The following FHIT variants were observed in gnomAD, a reference collection of about 807,000 sequenced individuals.
FHIT encodes fragile histidine triad diadenosine triphosphatase.
In FHIT, 19 loss-of-function variants were observed where a neutral mutation model predicts 17.9. The ratio of observed to expected loss-of-function variants is 1.06; its 90% CI spans 0.74 to 1.56. The LOEUF (loss-of-function observed/expected upper bound fraction) is 1.56, where lower values mean the gene tolerates loss of function less well. Among genes scored for constraint, FHIT ranks in the 40% most tolerant of loss-of-function variants. FHIT has a pLI of 0.00. For missense variants in FHIT, 248 were observed against 189.2 expected, an observed-to-expected ratio of 1.31 and a Z score of -1.82; for synonymous variants, 81 against 69.7, an observed-to-expected ratio of 1.16 and a Z score of -0.81.
chr3:60,324,355 C>T (rs1003881459), intron 5 of FHIT, among the ~76,000 whole-genome samples: 3 of 94,512 alleles, frequency 3.2e-5, no homozygotes, highest in African/African-American at 1.1e-4. Context: ...GAGGCTGAGG[C>T]TGGTGAATCA....
At chr3:60,587,338 C>G (rs1231524338) in intron 4 of FHIT, among the ~76,000 whole-genome samples, 1 of 152,036 alleles carries the variant, frequency 6.6e-6, no homozygotes, top group East Asian at 1.9e-4. Flanking sequence ...ACATCACACA[C>G]TGGGGCCAGT....
intron 5 of FHIT, among the ~76,000 whole-genome samples, chr3:60,492,794 T>C (rs2034123886): frequency 6.6e-6 from 1 of 152,174 alleles, no homozygotes; most frequent in Non-Finnish European, 1.5e-5. Context: ...TTTGACTGTC[T>C]ATAGCCTTAT....
intron 3 of FHIT, among the ~76,000 whole-genome samples, chr3:60,986,286 C>CA (rs1387547139): frequency 6.6e-6 from 1 of 152,164 alleles, no homozygotes; most frequent in Non-Finnish European, 1.5e-5. Flanking sequence ...CTATCAAAGC[C>CA]AGCCTAGTAT....
chr3:60,490,671 CAAAA>C (rs377411602), intron 5 of FHIT, among the ~76,000 whole-genome samples: 1 of 125,128 alleles, frequency 8.0e-6, no homozygotes. Flanking sequence ...TGATTTGTAC[CAAAA>C]AAAAAAAAAA....
In FHIT at chr3:60,276,653, G is replaced by C. The variant is rs139405662; in HGVS notation, c.103+260207C>G. The stretch of plus-strand genomic sequence containing the variant: ...ACTCTAAAGGAATACCTGAGACTGG[G>C]TAATTTTTAAAGAAAAGAGGTTTAT... On this transcript the variant is annotated intron_variant, in intron 5 of 9. Transcript: ENST00000492590. Among the ~76,000 whole-genome samples, 480 of 152,278 alleles carry C rather than the reference G, an allele frequency of 3.2e-3. 1 individual carries two copies. Among genetic ancestry groups the C allele is most frequent in the African/African-American group, 0.011 (472 of 41,552 alleles).
chr3:60,160,194 T>C (rs1377758080), intron 5 of FHIT, among the ~76,000 whole-genome samples: 1 of 151,980 alleles, frequency 6.6e-6, no homozygotes, highest in East Asian at 1.9e-4. Context: ...GAAAATGCCT[T>C]GGTTAAGAAA....
intron 2 of FHIT, among the ~76,000 whole-genome samples, chr3:61,098,448 T>C (rs2035711772): frequency 1.3e-5 from 2 of 152,168 alleles, no homozygotes; most frequent in South Asian, 4.1e-4. Flanking sequence ...TCTGCTTCCA[T>C]ATGAATTTTA....
At chr3:60,704,853 T>C (rs1356828521) in intron 4 of FHIT, among the ~76,000 whole-genome samples, 1 of 148,806 alleles carries the variant, frequency 6.7e-6, no homozygotes, top group Non-Finnish European at 1.5e-5. Context: ...AACATATTCT[T>C]ACTTCTCAGA....
intron 7 of FHIT, among the ~76,000 whole-genome samples, chr3:59,987,688 A>G (rs750733639): frequency 2.7e-4 from 41 of 151,906 alleles, no homozygotes; most frequent in Non-Finnish European, 1.6e-4. Flanking sequence ...TTTTTCATCA[A>G]TCTGGCACTA....
At chr3:60,429,841 T>C (rs925982426) in intron 5 of FHIT, among the ~76,000 whole-genome samples, 5 of 152,074 alleles carry the variant, frequency 3.3e-5, no homozygotes, top group African/African-American at 1.2e-4. Context: ...ACTAAGAGGC[T>C]AAGTGAGGAG....
chr3:60,036,586 A>G (rs1012812128), intron 5 of FHIT, among the ~76,000 whole-genome samples: 9 of 152,202 alleles, frequency 5.9e-5, no homozygotes, highest in Non-Finnish European at 1.2e-4. Flanking sequence ...TATTAAAATG[A>G]TCATAAAGAT....
chr3:60,711,218 C>G (rs567635206), intron 4 of FHIT, among the ~76,000 whole-genome samples: 1 of 152,184 alleles, frequency 6.6e-6, no homozygotes, highest in Non-Finnish European at 1.5e-5. Context: ...AGGGTCCTGT[C>G]TGTTAGAAGG....
At chr3:61,248,786 A>G (rs2040544677) in intron 1 of FHIT, among the ~76,000 whole-genome samples, 1 of 152,230 alleles carries the variant, frequency 6.6e-6, no homozygotes, top group Non-Finnish European at 1.5e-5. Flanking sequence ...GCATAAGCCT[A>G]AAAAGGTTAT....
At chr3:61,081,044 T>C (rs1000083344) in intron 2 of FHIT, among the ~76,000 whole-genome samples, 2 of 152,238 alleles carry the variant, frequency 1.3e-5, no homozygotes, top group African/African-American at 4.8e-5. Flanking sequence ...CTGACAAAGA[T>C]CTATCTCCCA....
chr3:61,039,290 GT>G (rs2033393516), intron 3 of FHIT, among the ~76,000 whole-genome samples: 1 of 151,974 alleles, frequency 6.6e-6, no homozygotes, highest in Non-Finnish European at 1.5e-5. Flanking sequence ...AAACATGAAC[GT>G]TTTATAGAGA....
chr3:60,286,195 C>T (rs1707720533), intron 5 of FHIT, among the ~76,000 whole-genome samples: 1 of 152,180 alleles, frequency 6.6e-6, no homozygotes, highest in South Asian at 2.1e-4. Context: ...GAATCTGGAA[C>T]ACCACAATGA....
intron 5 of FHIT, among the ~76,000 whole-genome samples, chr3:60,096,561 G>A (rs901139506): frequency 1.3e-5 from 2 of 152,128 alleles, no homozygotes; most frequent in Non-Finnish European, 2.9e-5. Flanking sequence ...TTTCACTGGG[G>A]ACTCACCTCT....
At chr3:60,854,617 G>A (rs1703300324) in intron 3 of FHIT, among the ~76,000 whole-genome samples, 1 of 145,746 alleles carries the variant, frequency 6.9e-6, no homozygotes, top group Non-Finnish European at 1.5e-5. Flanking sequence ...TGTCATAGAC[G>A]GCTGCTGGAT....
intron 3 of FHIT, among the ~76,000 whole-genome samples, chr3:60,945,393 C>A (rs1708593246): frequency 1.4e-5 from 2 of 143,080 alleles, no homozygotes; most frequent in African/African-American, 5.0e-5. Flanking sequence ...GGAGTTACTA[C>A]AGGTTTTTTG....
Sources: allele counts gnomAD v4.1 joint callset (sites outside exome capture counted in the v4.1 genomes callset), GRCh38; gene constraint gnomAD v4.1.1; transcripts MANE v1.5; gene names NCBI Gene and HGNC (gene_info 2026-07-23, HGNC 2026-07-21).